SH3KBP1: variants seen among roughly 807,000 people sequenced by gnomAD.
The protein encoded by SH3KBP1 is SH3 domain-containing kinase-binding protein 1.
A neutral mutation model predicts 50.1 loss-of-function variants in SH3KBP1; 8 were observed. That is an observed-to-expected ratio of 0.16 (90% CI 0.09 to 0.29). SH3KBP1 has a LOEUF of 0.29. Ranked by LOEUF, SH3KBP1 falls within the 10% of genes least tolerant of loss-of-function variation. The pLI, the probability that SH3KBP1 is intolerant of heterozygous loss-of-function variation, is 1.00. For missense variants in SH3KBP1, 377 were observed against 535.2 expected, an observed-to-expected ratio of 0.70 and a Z score of 2.92; for synonymous variants, 227 against 218.6, an observed-to-expected ratio of 1.04 and a Z score of -0.34.
intron 4 of SH3KBP1, among the ~76,000 whole-genome samples, chrX:19,699,496 T>C (rs187950582): frequency 8.9e-5 from 10 of 112,029 alleles, no homozygotes; most frequent in African/African-American, 3.2e-4. Flanking sequence ...TTGATTAGTT[T>C]TGCCTCTTCT....
intron 1 of SH3KBP1, among the ~76,000 whole-genome samples, chrX:19,881,222 T>G (rs2069423662): frequency 8.9e-6 from 1 of 111,860 alleles, no homozygotes; most frequent in Non-Finnish European, 1.9e-5. Context: ...AAGGCTTCAC[T>G]AAGGCATTCA....
At chrX:19,708,453 A>G (rs950336136) in intron 3 of SH3KBP1, among the ~76,000 whole-genome samples, 1 of 111,976 alleles carries the variant, frequency 8.9e-6, no homozygotes, top group African/African-American at 3.3e-5. Context: ...TGGCACTGTC[A>G]GCAGGCTGAG....
chrX:19,669,887 G>A (rs780409077), intron 6 of SH3KBP1, among the ~76,000 whole-genome samples: 30 of 97,965 alleles, frequency 3.1e-4, no homozygotes, highest in African/African-American at 1.1e-3. Flanking sequence ...TTTTGGCCAC[G>A]CTATTTTTTT....
chrX:19,678,424 G>A (rs1602975952), intron 6 of SH3KBP1, among the ~76,000 whole-genome samples: 1 of 106,880 alleles, frequency 9.4e-6, no homozygotes, highest in East Asian at 2.9e-4. Flanking sequence ...AAAGGGCCAA[G>A]AACAGCTTAG....
At chrX:19,882,998 TATAAC>T (rs2069483610) in intron 1 of SH3KBP1, among the ~76,000 whole-genome samples, 2 of 112,261 alleles carry the variant, frequency 1.8e-5, no homozygotes, top group African/African-American at 6.5e-5. Context: ...TAACAGTACT[TATAAC>T]ATAAGACTTA....
chrX:19,875,662 A>G (rs776961658), intron 1 of SH3KBP1, among the ~76,000 whole-genome samples: 1 of 112,569 alleles, frequency 8.9e-6, no homozygotes, highest in African/African-American at 3.2e-5. Flanking sequence ...TGGAGCAGCC[A>G]CCTGTGTATA....
intron 8 of SH3KBP1, among the ~76,000 whole-genome samples, chrX:19,614,056 C>A (rs1024785633): frequency 8.8e-6 from 1 of 113,004 alleles, no homozygotes; most frequent in East Asian, 2.8e-4. Flanking sequence ...TGCGACCCAG[C>A]GCCATCCTCG....
At chrX:19,773,856 GAAAAAAAAAAA>G (rs59381892) in intron 2 of SH3KBP1, among the ~76,000 whole-genome samples, 25 of 14,919 alleles carry the variant, frequency 1.7e-3, no homozygotes, top group Admixed American at 3.9e-3. Context: ...ACTCCGGCTC[GAAAAAAAAAAA>G]AAAAAAAAAA....
chrX:19,695,273 T>A (rs939705529), intron 5 of SH3KBP1, among the ~76,000 whole-genome samples: 11 of 111,616 alleles, frequency 9.9e-5, no homozygotes, highest in African/African-American at 3.3e-4. Flanking sequence ...ATACTGACAA[T>A]CCCATTTGGT....
intron 14 of SH3KBP1, among the ~76,000 whole-genome samples, chrX:19,546,284 A>G (rs1048087790): frequency 8.9e-6 from 1 of 112,015 alleles, no homozygotes; most frequent in Non-Finnish European, 1.9e-5. Context: ...CTTGCCACTG[A>G]TGTCCATCAA....
At chrX:19,793,495 A>C (rs2066608072) in intron 2 of SH3KBP1, among the ~76,000 whole-genome samples, 1 of 109,900 alleles carries the variant, frequency 9.1e-6, no homozygotes, top group African/African-American at 3.3e-5. Context: ...TAAACTGGAA[A>C]TCCCACCACT....
intron 1 of SH3KBP1, among the ~76,000 whole-genome samples, chrX:19,877,007 G>T (rs2069275143): frequency 9.0e-6 from 1 of 110,818 alleles, no homozygotes; most frequent in African/African-American, 3.3e-5. Flanking sequence ...TTTCCTGACA[G>T]CCAAAAGCAG....
chrX:19,638,245 C>A (rs1388126167), intron 7 of SH3KBP1, among the ~76,000 whole-genome samples: 1 of 109,328 alleles, frequency 9.1e-6, no homozygotes, highest in Non-Finnish European at 1.9e-5. Flanking sequence ...CCCGTCTCCA[C>A]TAAAAATACA....
intron 2 of SH3KBP1, among the ~76,000 whole-genome samples, chrX:19,831,593 A>G (rs370030507): frequency 9.3e-6 from 1 of 107,162 alleles, no homozygotes; most frequent in East Asian, 2.9e-4. Flanking sequence ...GGAGTTCGAG[A>G]CCAGCCTGAC....
intron 6 of SH3KBP1, among the ~76,000 whole-genome samples, chrX:19,657,774 G>T (rs2062327582): frequency 9.2e-6 from 1 of 109,053 alleles, no homozygotes; most frequent in African/African-American, 3.3e-5. Context: ...GACACATGCT[G>T]CAACATGAAC....
intron 3 of SH3KBP1, among the ~76,000 whole-genome samples, chrX:19,741,088 C>G (rs2064754167): frequency 1.8e-5 from 2 of 112,795 alleles, no homozygotes; most frequent in Admixed American, 1.9e-4. Context: ...TCTGCACTAA[C>G]TTTTAAAGCA....
At chrX:19,615,662 G>A (rs993190286) in intron 8 of SH3KBP1, among the ~76,000 whole-genome samples, 5 of 111,753 alleles carry the variant, frequency 4.5e-5, no homozygotes, top group Non-Finnish European at 9.4e-5. Flanking sequence ...CTGCATGGCT[G>A]GGATTTCTCT....
chrX:19,594,032 T>C (rs59190521), intron 10 of SH3KBP1, among the ~76,000 whole-genome samples: 13,189 of 111,733 alleles, frequency 0.12, 1,818 homozygotes, highest in African/African-American at 0.4. Flanking sequence ...GTTTTTCCTC[T>C]TAACTTGGTG....
intron 2 of SH3KBP1, among the ~76,000 whole-genome samples, chrX:19,773,227 C>A (rs1447624664): frequency 9.0e-6 from 1 of 111,538 alleles, no homozygotes; most frequent in Non-Finnish European, 1.9e-5. Flanking sequence ...GCTCTCCGAG[C>A]TGTCACTCAT....
Sources: allele counts gnomAD v4.1 joint callset (sites outside exome capture counted in the v4.1 genomes callset), GRCh38; gene constraint gnomAD v4.1.1; transcripts MANE v1.5; gene names NCBI Gene and HGNC (gene_info 2026-07-23, HGNC 2026-07-21).